SPAG16: variants seen among roughly 807,000 people sequenced by gnomAD.
SPAG16 encodes the protein sperm-associated antigen 16 protein.
A neutral mutation model predicts 80.4 loss-of-function variants in SPAG16; 86 were observed. The observed-to-expected ratio is 1.07, with a 90% CI of 0.90 to 1.28. SPAG16 has a LOEUF of 1.28. SPAG16 is among the 50% of genes most tolerant of loss of function. The pLI, the probability that SPAG16 is intolerant of heterozygous loss-of-function variation, is 0.00. For missense variants in SPAG16, 870 were observed against 765.3 expected (o/e 1.14, Z -1.61); for synonymous variants, 294 against 265.9 (o/e 1.11, Z -1.03).
intron 15 of SPAG16, among the ~76,000 whole-genome samples, chr2:214,269,550 A>T (rs113800520): frequency 2.6e-5 from 4 of 152,192 alleles, no homozygotes; most frequent in African/African-American, 9.6e-5. Context: ...TTTTTACTAA[A>T]TGCAATAAAT....
intron 10 of SPAG16, among the ~76,000 whole-genome samples, chr2:213,493,138 A>G (rs1452328578): frequency 5.3e-5 from 8 of 152,224 alleles, no homozygotes; most frequent in African/African-American, 9.6e-5. Context: ...TGGGCATACA[A>G]TTTTGCCAGT....
At chr2:213,810,071 C>T (rs957834984) in intron 10 of SPAG16, among the ~76,000 whole-genome samples, 2 of 152,138 alleles carry the variant, frequency 1.3e-5, no homozygotes, top group Non-Finnish European at 2.9e-5. Context: ...ATAATATTCT[C>T]TCTGTTTAAG....
At chr2:213,888,005 T>A (rs1475617482) in intron 11 of SPAG16, among the ~76,000 whole-genome samples, 1 of 151,878 alleles carries the variant, frequency 6.6e-6, no homozygotes, top group African/African-American at 2.4e-5. Flanking sequence ...ATTCAATGTT[T>A]TTGAGCATAT....
At chr2:213,607,795 C>T (rs746846699) in intron 10 of SPAG16, among the ~76,000 whole-genome samples, 3 of 152,118 alleles carry the variant, frequency 2.0e-5, no homozygotes, top group Non-Finnish European at 2.9e-5. Context: ...CTGCAGATTG[C>T]AGGGAATACT....
At chr2:213,621,852 A>G (rs542601638) in intron 10 of SPAG16, among the ~76,000 whole-genome samples, 3 of 152,228 alleles carry the variant, frequency 2.0e-5, no homozygotes, top group Non-Finnish European at 4.4e-5. Flanking sequence ...CTAAAAATGC[A>G]TCAAGCTCCC....
intron 15 of SPAG16, among the ~76,000 whole-genome samples, chr2:214,332,274 C>T (rs1229070518): frequency 6.6e-6 from 1 of 152,100 alleles, no homozygotes; most frequent in Non-Finnish European, 1.5e-5. Flanking sequence ...ACAAAAAAAC[C>T]ATTTTGTCAC....
intron 12 of SPAG16, among the ~76,000 whole-genome samples, chr2:213,979,403 G>T (rs1407080297): frequency 6.6e-6 from 1 of 151,984 alleles, no homozygotes; most frequent in Non-Finnish European, 1.5e-5. Context: ...ATAAAGAACT[G>T]CCCGTGACTG....
At chr2:213,445,745 A>G (rs1460076694) in intron 9 of SPAG16, among the ~76,000 whole-genome samples, 1 of 152,172 alleles carries the variant, frequency 6.6e-6, no homozygotes. Flanking sequence ...AAACTACAAT[A>G]AGATACCATC....
chr2:213,407,929 GAGGAGAGAGGCAGAGAGAGAC>G (rs1469460831), intron 9 of SPAG16, among the ~76,000 whole-genome samples: 2 of 134,056 alleles, frequency 1.5e-5, no homozygotes, highest in Non-Finnish European at 3.2e-5. Context: ...ACAGGAGAGA[GAGGAGAGAGGCAGAGAGAGAC>G]AGGAGAGAGG....
intron 10 of SPAG16, among the ~76,000 whole-genome samples, chr2:213,860,375 GTA>G (rs1559529131): frequency 1.6e-5 from 2 of 122,134 alleles, no homozygotes; most frequent in East Asian, 2.7e-4. Context: ...GTGTGTGTGT[GTA>G]TATCTATAAA....
At chr2:214,106,875 C>T (rs898738167) in intron 13 of SPAG16, among the ~76,000 whole-genome samples, 2 of 152,122 alleles carry the variant, frequency 1.3e-5, no homozygotes, top group Non-Finnish European at 2.9e-5. Flanking sequence ...GAGACATTTG[C>T]TCTAGTTTTT....
At chr2:213,698,067 C>T (rs1461689913) in intron 10 of SPAG16, among the ~76,000 whole-genome samples, 1 of 152,050 alleles carries the variant, frequency 6.6e-6, no homozygotes, top group Non-Finnish European at 1.5e-5. Context: ...ATTTTTACTT[C>T]TACCCTTTTC....
At chr2:213,327,681 C>T (rs116367030) in intron 5 of SPAG16, among the ~76,000 whole-genome samples, 117 of 152,084 alleles carry the variant, frequency 7.7e-4, no homozygotes, top group Non-Finnish European at 1.1e-3. Context: ...TCAAAATAGA[C>T]GTTCACAAAA....
chr2:214,180,606 G>A (rs1046515520), intron 15 of SPAG16, among the ~76,000 whole-genome samples: 2 of 151,362 alleles, frequency 1.3e-5, no homozygotes, highest in Non-Finnish European at 3.0e-5. Flanking sequence ...ATAAAAACAA[G>A]GTAGCATTCA....
chr2:214,246,981 T>C (rs1308734698), intron 15 of SPAG16, among the ~76,000 whole-genome samples: 2 of 152,210 alleles, frequency 1.3e-5, no homozygotes, highest in Admixed American at 6.5e-5. Context: ...TAATTTTGTT[T>C]ATCATATCAT....
chr2:214,137,852 T>C (rs2055144862), intron 14 of SPAG16, among the ~76,000 whole-genome samples: 1 of 152,162 alleles, frequency 6.6e-6, no homozygotes, highest in African/African-American at 2.4e-5. Context: ...CATCCACCAG[T>C]AATACAAATC....
chr2:213,715,112 G>A (rs770922858), intron 10 of SPAG16, among the ~76,000 whole-genome samples: 1 of 152,168 alleles, frequency 6.6e-6, no homozygotes, highest in African/African-American at 2.4e-5. Context: ...AGGAGTATAA[G>A]AGTGGAAGAA....
At chr2:213,430,569 T>C (rs193039521) in intron 9 of SPAG16, among the ~76,000 whole-genome samples, 15 of 152,312 alleles carry the variant, frequency 9.8e-5, no homozygotes, top group Admixed American at 2.6e-4. Flanking sequence ...AGCCAAAAGA[T>C]TGGACACCTC....
At chr2:213,450,856 T>C (rs1257587396) in intron 9 of SPAG16, among the ~76,000 whole-genome samples, 1 of 152,196 alleles carries the variant, frequency 6.6e-6, no homozygotes, top group Non-Finnish European at 1.5e-5. Context: ...CTCTGGAGAA[T>C]AATGTTCTGC....
Sources: gnomAD v4.1 joint callset for allele counts (sites outside exome capture counted in the v4.1 genomes callset) on GRCh38, gnomAD v4.1.1 for gene constraint, MANE v1.5 for transcripts, NCBI Gene and HGNC (gene_info 2026-07-23, HGNC 2026-07-21) for gene names.